COL15A1: variants seen among roughly 807,000 people sequenced by gnomAD.
The protein encoded by COL15A1 is collagen alpha-1(XV) chain.
Under a neutral mutation model 165.9 loss-of-function variants are expected in COL15A1, and 111 were observed. The observed-to-expected ratio is 0.67, with a 90% CI of 0.57 to 0.78. The LOEUF (loss-of-function observed/expected upper bound fraction) is 0.78, where lower values mean the gene tolerates loss of function less well. Ranked by LOEUF, COL15A1 falls within the 30% of genes least tolerant of loss-of-function variation. The pLI is 0.00. For missense variants in COL15A1, 1,745 were observed against 1,789.7 expected (o/e 0.98, Z 0.45); for synonymous variants, 659 against 674.8 (o/e 0.98, Z 0.36).
intron 2 of COL15A1, among the ~76,000 whole-genome samples, chr9:98,948,370 G>A (rs563214112): frequency 2.0e-5 from 3 of 152,194 alleles, no homozygotes; most frequent in East Asian, 1.9e-4. Context: ...AGGCTGGGGC[G>A]GGCAGATCAT....
At chr9:98,981,507 G>C (rs1838235389) in intron 2 of COL15A1, among the ~76,000 whole-genome samples, 1 of 152,112 alleles carries the variant, frequency 6.6e-6, no homozygotes, top group African/African-American at 2.4e-5. Flanking sequence ...TATCAACAGG[G>C]ATAAATCTAA....
intron 14 of COL15A1, among the ~76,000 whole-genome samples, chr9:99,024,042 CCT>C (rs909359706): frequency 1.3e-5 from 2 of 152,154 alleles, no homozygotes. Flanking sequence ...GCAGCTGGTG[CCT>C]CTGTCCCTGA....
rs546087442 is a variant in COL15A1, at chr9:99,042,973, G to A, written c.2574+866G>A. On this transcript the variant is annotated intron_variant, in intron 24 of 41. Coordinates refer to ENST00000375001, the MANE Select transcript of COL15A1 (RefSeq NM_001855.5). ...AGGCAGTTTCCTGTGCTAGGCGTAG[G>A]GATATAGAAATAAGATGAGGAAGAG... 3.4e-4 allele frequency among the ~76,000 whole-genome samples: 52 copies of A among 152,228 alleles called. 2 individuals carry two copies. The South Asian group carries it at 0.01, about 30-fold the overall frequency.
At position 99,008,199 on chromosome 9, in the gene COL15A1, A is replaced by G. The variant is rs187357264; in HGVS notation, c.1353+3149A>G. Among the ~76,000 whole-genome samples the G allele has an allele frequency of 8.2e-4, 125 of 151,840 alleles. 1 individual carries two copies. The East Asian group carries it at 0.022, about 27-fold the overall frequency. ...GACTTTAAGGCCTTAAGGACAGCCC[A>G]TGCCTGCAAATACCTGTATTAATTG... On this transcript the variant is annotated intron_variant, in intron 9 of 41. Transcript: ENST00000375001.
At chr9:98,971,552 C>T (rs1400022131) in intron 2 of COL15A1, among the ~76,000 whole-genome samples, 1 of 152,050 alleles carries the variant, frequency 6.6e-6, no homozygotes, top group Non-Finnish European at 1.5e-5. Context: ...CACTGTGCCA[C>T]CTAGTCCACA....
intron 35 of COL15A1, among the ~76,000 whole-genome samples, chr9:99,059,022 A>G (rs1825770264): frequency 6.6e-6 from 1 of 152,190 alleles, no homozygotes; most frequent in Non-Finnish European, 1.5e-5. Flanking sequence ...AGCCAAAGGA[A>G]TAGTTGTAAT....
chr9:99,066,269 G>A (rs1265245668), intron 39 of COL15A1, among the ~76,000 whole-genome samples: 1 of 152,138 alleles, frequency 6.6e-6, no homozygotes, highest in East Asian at 1.9e-4. Context: ...TTTTATTTTG[G>A]CTGCTGACCA....
At chr9:98,987,826 T>A (rs1182444188) in intron 4 of COL15A1, among the ~76,000 whole-genome samples, 8 of 152,238 alleles carry the variant, frequency 5.3e-5, no homozygotes, top group South Asian at 2.1e-4. Flanking sequence ...ACTGAGCACC[T>A]GCTGGGTGCC....
At chr9:99,028,892 A>C (rs989809176) in intron 16 of COL15A1, among the ~76,000 whole-genome samples, 1 of 152,234 alleles carries the variant, frequency 6.6e-6, no homozygotes, top group East Asian at 1.9e-4. Flanking sequence ...GAATTTATCA[A>C]ATAGATTATT....
At chr9:98,971,527 G>A (rs757950667) in intron 2 of COL15A1, among the ~76,000 whole-genome samples, 1 of 151,928 alleles carries the variant, frequency 6.6e-6, no homozygotes, top group Non-Finnish European at 1.5e-5. Context: ...ACGCCTGCCC[G>A]CACCTGCTGG....
At chr9:99,064,494 G>T (rs1337996144) in intron 39 of COL15A1, among the ~76,000 whole-genome samples, 1 of 152,184 alleles carries the variant, frequency 6.6e-6, no homozygotes, top group Non-Finnish European at 1.5e-5. Flanking sequence ...CCCACAGTGG[G>T]ATCTTGGCTG....
chr9:98,982,232 C>T (rs1710869756), intron 2 of COL15A1, among the ~76,000 whole-genome samples: 1 of 152,130 alleles, frequency 6.6e-6, no homozygotes, highest in African/African-American at 2.4e-5. Context: ...GATTCTATCA[C>T]CTCAGCCTCC....
chr9:99,032,660 C>T (rs895605938), intron 16 of COL15A1, among the ~76,000 whole-genome samples: 43 of 152,096 alleles, frequency 2.8e-4, no homozygotes, highest in South Asian at 2.1e-4. Context: ...CCAATTAAAC[C>T]GATGTTGGAA....
At chr9:98,954,608 G>A (rs1049180578) in intron 2 of COL15A1, among the ~76,000 whole-genome samples, 2 of 152,150 alleles carry the variant, frequency 1.3e-5, no homozygotes, top group Admixed American at 6.5e-5. Flanking sequence ...CTATTGTGAC[G>A]ATCGTAGTCT....
chr9:99,008,141 C>G (rs796138415), intron 9 of COL15A1, among the ~76,000 whole-genome samples: 4 of 152,026 alleles, frequency 2.6e-5, no homozygotes, highest in African/African-American at 9.7e-5. Context: ...ATTGACTTTG[C>G]TGGAGCTTTA....
chr9:98,946,850 A>C (rs181414364), intron 2 of COL15A1, among the ~76,000 whole-genome samples: 136 of 152,334 alleles, frequency 8.9e-4, no homozygotes, highest in East Asian at 9.6e-4. Flanking sequence ...TAATATAAGC[A>C]CAATTTGAGC....
intron 5 of COL15A1, 135 bp downstream of exon 5, chr9:98,989,393 G>A (rs1027700780): frequency 2.8e-5 from 20 of 708,328 alleles, no homozygotes; most frequent in Non-Finnish European, 4.2e-5. Flanking sequence ...CTCATCTGGG[G>A]GGGTCAGGAA....
intron 2 of COL15A1, among the ~76,000 whole-genome samples, chr9:98,951,900 G>T (rs995761696): frequency 1.3e-5 from 2 of 152,144 alleles, no homozygotes; most frequent in Non-Finnish European, 2.9e-5. Flanking sequence ...TAGTACCTGG[G>T]GACCCCCAAA....
chr9:98,985,107 AG>A (rs1246599638), intron 2 of COL15A1, among the ~76,000 whole-genome samples: 2 of 152,082 alleles, frequency 1.3e-5, no homozygotes, highest in African/African-American at 4.8e-5. Context: ...TCAGTTTTAT[AG>A]TGGGGAAAAA....
Sources: allele counts gnomAD v4.1 joint callset (sites outside exome capture counted in the v4.1 genomes callset), GRCh38; gene constraint gnomAD v4.1.1; transcripts MANE v1.5; gene names NCBI Gene and HGNC (gene_info 2026-07-23, HGNC 2026-07-21).